MTHFD1: variants seen among roughly 807,000 people sequenced by gnomAD.
MTHFD1 encodes the protein C-1-tetrahydrofolate synthase, cytoplasmic.
A neutral mutation model predicts 110.3 loss-of-function variants in MTHFD1; 44 were observed. That is an observed-to-expected ratio of 0.40 (90% CI 0.31 to 0.51). The LOEUF (loss-of-function observed/expected upper bound fraction) is 0.51, where lower values mean the gene tolerates loss of function less well. Ranked by LOEUF, MTHFD1 falls within the 20% of genes least tolerant of loss-of-function variation. The pLI, the probability that MTHFD1 is intolerant of heterozygous loss-of-function variation, is 0.60. For missense variants in MTHFD1, 909 were observed against 1,173.1 expected, an observed-to-expected ratio of 0.77 and a Z score of 3.29; for synonymous variants, 402 against 428.8, an observed-to-expected ratio of 0.94 and a Z score of 0.77.
intron 5 of MTHFD1, 27 bp downstream of exon 5, chr14:64,415,521 T>G (rs772169275): frequency 1.2e-5 from 19 of 1,613,920 alleles, no homozygotes; most frequent in Non-Finnish European, 1.6e-5. Context: ...TTCCTATGTC[T>G]CATTGCATGC....
At chr14:64,452,928 C>G (rs1348556504) in intron 24 of MTHFD1, among the ~76,000 whole-genome samples, 1 of 151,198 alleles carries the variant, frequency 6.6e-6, no homozygotes, top group Non-Finnish European at 1.5e-5. Context: ...GCTATGTTGC[C>G]CAGGCTGGTT....
At chr14:64,413,673 A>C (rs1221057279) in intron 4 of MTHFD1, among the ~76,000 whole-genome samples, 2 of 152,226 alleles carry the variant, frequency 1.3e-5, no homozygotes, top group African/African-American at 2.4e-5. Context: ...GCAAGGATTA[A>C]GTAGCTGCTA....
At chr14:64,455,396 C>T (rs761728020) in intron 26 of MTHFD1, among the ~76,000 whole-genome samples, 18 of 152,252 alleles carry the variant, frequency 1.2e-4, no homozygotes, top group Admixed American at 3.9e-4. Context: ...TGCTTATTTA[C>T]GCTTCAAGGT....
At chr14:64,399,336 T>C (rs756459522) in intron 1 of MTHFD1, among the ~76,000 whole-genome samples, 2 of 152,212 alleles carry the variant, frequency 1.3e-5, no homozygotes, top group Non-Finnish European at 2.9e-5. Context: ...CCCTGAACCC[T>C]GTGGCTCAGT....
In MTHFD1 at chr14:64,401,135, C is replaced by CT. The variant is rs199502256; in HGVS notation, c.126+266dup. 9.9e-3 allele frequency among the ~76,000 whole-genome samples: 1,508 copies of CT among 151,882 alleles called. 20 individuals are homozygous for CT. Among genetic ancestry groups the CT allele is most frequent in the Non-Finnish European group, 0.011 (747 of 67,968 alleles). On this transcript the variant is annotated intron_variant, in intron 2 of 27. Coordinates refer to ENST00000652337, the MANE Select transcript of MTHFD1 (RefSeq NM_005956.4). The stretch of plus-strand genomic sequence containing the variant: ...GGTCTTAGTAGGGCCCCTTTACAAT[C>CT]TTTTTTTTCTTTAATTTAATGTATT...
intron 11 of MTHFD1, among the ~76,000 whole-genome samples, chr14:64,426,722 G>T (rs2078122083): frequency 6.6e-6 from 1 of 152,142 alleles, no homozygotes. Context: ...ACCCACCTCA[G>T]CCTCCCAAAG....
chr14:64,457,955 A>G, intron 26 of MTHFD1: 1 of 572,172 alleles, frequency 1.7e-6, no homozygotes, highest in Non-Finnish European at 3.1e-6. Flanking sequence ...CAATCGGATG[A>G]TCATGGCTCA....
Position 64,425,735 on chromosome 14 carries a change from A to G in MTHFD1, c.861A>G (p.Thr287=). The G allele has an allele frequency of 6.2e-7, 1 of 1,612,030 alleles. No homozygotes were observed. Among genetic ancestry groups the G allele is most frequent in the Non-Finnish European group, 8.5e-7 (1 of 1,179,454 alleles). ...ATTTATTTCATTTTGCTTAGAGCAC[A>G]GTAGAGAGTGCCAAGCGTTTCCTGG... The part of the protein sequence containing the change: ...PMTVAMLMQS[T]VESAKRFLEK... The change falls in exon 10 of 28, where the codon ACA becomes ACG. Residue 287 remains threonine, a synonymous_variant. Transcript: ENST00000652337.
At chr14:64,412,293 A>G (rs981001833) in intron 3 of MTHFD1, among the ~76,000 whole-genome samples, 179 bp from the exon 4 acceptor site, 2 of 152,114 alleles carry the variant, frequency 1.3e-5, no homozygotes, top group African/African-American at 2.4e-5. Context: ...GCTGAAGTGC[A>G]GTGGTGGCAA....
At chr14:64,439,047 T>C (rs1362818177) in intron 16 of MTHFD1, 49 bp from the exon 17 acceptor site, 1 of 1,346,522 alleles carries the variant, frequency 7.4e-7, no homozygotes, top group Non-Finnish European at 1.1e-6. Context: ...CCTTTAACTT[T>C]GTGGTCCTTT....
chr14:64,400,563 G>A (rs2077887835), intron 1 of MTHFD1, among the ~76,000 whole-genome samples: 1 of 152,024 alleles, frequency 6.6e-6, no homozygotes. Context: ...GCACAGACCT[G>A]TAAAGTCCCA....
At chr14:64,416,699 C>T (rs2078029023) in intron 6 of MTHFD1, among the ~76,000 whole-genome samples, 1 of 152,136 alleles carries the variant, frequency 6.6e-6, no homozygotes, top group South Asian at 2.1e-4. Context: ...GGTCAAAGGT[C>T]AAGCTTTGAC....
intron 1 of MTHFD1, among the ~76,000 whole-genome samples, chr14:64,397,166 TATATATATATATATATATATATATAA>T (rs1458346094): frequency 0.025 from 434 of 17,674 alleles, 45 homozygotes; most frequent in African/African-American, 0.08. Flanking sequence ...TATATATATA[TATATATATATATATATATATATATAA>T]AAAACAGTAA....
At position 64,402,336 on chromosome 14, in the gene MTHFD1, C is replaced by T. The variant is rs190876775; in HGVS notation, c.126+1459C>T. ...GAATTGGAATCATTAACATCACCAA[C>T]AAGCTCATCAGAGAAGTTTTCAAGT... On this transcript the variant is annotated intron_variant, in intron 2 of 27. Coordinates refer to ENST00000652337, the MANE Select transcript of MTHFD1 (RefSeq NM_005956.4). Among the ~76,000 whole-genome samples, 1,314 of 152,318 alleles carry T rather than the reference C, an allele frequency of 8.6e-3. 17 individuals are homozygous for T. The highest frequency in any genetic ancestry group is 0.013 in the Non-Finnish European group (873 of 68,030).
intron 2 of MTHFD1, among the ~76,000 whole-genome samples, chr14:64,403,257 G>A (rs542959486): frequency 6.8e-6 from 1 of 148,100 alleles, no homozygotes; most frequent in African/African-American, 2.5e-5. Flanking sequence ...GGGATTACAG[G>A]CACCTGCCAT....
At position 64,408,285 on chromosome 14, in the gene MTHFD1, C is replaced by CCTTTT. The variant is rs34166790; in HGVS notation, c.127-2805_127-2804insCTTTT. On this transcript the variant is annotated intron_variant, in intron 2 of 27. Coordinates refer to ENST00000652337, the MANE Select transcript of MTHFD1 (RefSeq NM_005956.4). ...CCACCTTCAAGGAGAAATCAGCATTCTTTTTTTTTTTTTTTTTTTTGAGAT... is the reference window on the plus strand; with the variant it reads ...CCACCTTCAAGGAGAAATCAGCATTCCTTTTTTTTTTTTTTTTTTTTTTTTGAGAT... Among the ~76,000 whole-genome samples the CCTTTT allele has an allele frequency of 3.1e-4, 38 of 121,180 alleles. 8 individuals are homozygous for CCTTTT. Among genetic ancestry groups the CCTTTT allele is most frequent in the African/African-American group, 4.3e-4 (13 of 30,548 alleles). The allele number at this position is 121,180 out of a possible 152,430, so 79.5% of individuals were successfully genotyped here. A position where few individuals can be genotyped will look rare whatever the true frequency, so the allele number is the denominator to read the frequency against.
intron 8 of MTHFD1, among the ~76,000 whole-genome samples, chr14:64,420,595 T>C (rs1228904762): frequency 6.6e-6 from 1 of 152,150 alleles, no homozygotes; most frequent in African/African-American, 2.4e-5. Flanking sequence ...CCACTGAGTG[T>C]TACCTTCTCA....
At chr14:64,448,396 AT>A (rs2078313633) in intron 23 of MTHFD1, 79 bp downstream of exon 23, 1 of 1,173,506 alleles carries the variant, frequency 8.5e-7, no homozygotes, top group Non-Finnish European at 1.3e-6. Flanking sequence ...TTTTAGCTTT[AT>A]TTTGTTTTTC....
chr14:64,443,805 G>A (rs1250651641), intron 21 of MTHFD1, among the ~76,000 whole-genome samples: 1 of 152,072 alleles, frequency 6.6e-6, no homozygotes, highest in Non-Finnish European at 1.5e-5. Flanking sequence ...TCACAGTCAG[G>A]ATAATGTCCC....
Sources: gnomAD v4.1 joint callset for allele counts (sites outside exome capture counted in the v4.1 genomes callset) on GRCh38, gnomAD v4.1.1 for gene constraint, MANE v1.5 for transcripts, NCBI Gene and HGNC (gene_info 2026-07-23, HGNC 2026-07-21) for gene names.